The following NPSR1 variants were observed in gnomAD, a reference collection of about 807,000 sequenced individuals.
NPSR1 encodes the protein neuropeptide S receptor.
NPSR1 carries 48 observed loss-of-function variants against 46.9 expected under a neutral mutation model. The observed-to-expected ratio is 1.02, with a 90% confidence interval of 0.81 to 1.30. The LOEUF (loss-of-function observed/expected upper bound fraction) is 1.30. Ranked by LOEUF, NPSR1 falls within the 50% of genes most tolerant of loss-of-function variation. The pLI, the probability that NPSR1 is intolerant of heterozygous loss-of-function variation, is 0.00. For synonymous variants in NPSR1, 176 were observed against 168.1 expected, an observed-to-expected ratio of 1.05 and a Z score of -0.36; for missense variants, 450 against 449.5, an observed-to-expected ratio of 1.00 and a Z score of -0.01.
At chr7:34,793,429 T>C (rs950554319) in intron 3 of NPSR1, among the ~76,000 whole-genome samples, 2 of 151,938 alleles carry the variant, frequency 1.3e-5, no homozygotes, top group Non-Finnish European at 2.9e-5. Flanking sequence ...AAAATATATA[T>C]ACAAAAGAAG....
At chr7:34,680,889 A>C (rs1214967103) in intron 1 of NPSR1, among the ~76,000 whole-genome samples, 3 of 151,948 alleles carry the variant, frequency 2.0e-5, no homozygotes, top group Non-Finnish European at 4.4e-5. Flanking sequence ...TAGAAGAGAC[A>C]GAATAGAGTT....
chr7:34,803,756 GAA>G (rs77357385), intron 3 of NPSR1, among the ~76,000 whole-genome samples: 9 of 137,228 alleles, frequency 6.6e-5, no homozygotes, highest in South Asian at 2.3e-4. Flanking sequence ...AGCATGAGTA[GAA>G]AAAAAAAAAA....
intron 3 of NPSR1, among the ~76,000 whole-genome samples, chr7:34,786,808 G>C (rs971486749): frequency 2.0e-5 from 3 of 152,034 alleles, no homozygotes; most frequent in African/African-American, 7.2e-5. Flanking sequence ...CTTTTTTTCT[G>C]AGCAGTAGAT....
At chr7:34,721,351 A>G (rs759413761) in intron 2 of NPSR1, among the ~76,000 whole-genome samples, 1 of 152,196 alleles carries the variant, frequency 6.6e-6, no homozygotes, top group Non-Finnish European at 1.5e-5. Context: ...AATGGAAAAG[A>G]AGCAGAATCA....
intron 2 of NPSR1, among the ~76,000 whole-genome samples, chr7:34,769,366 T>G (rs1030748689): frequency 2.0e-5 from 3 of 152,172 alleles, no homozygotes; most frequent in Non-Finnish European, 4.4e-5. Flanking sequence ...AAATTGATCC[T>G]CACCACAGCA....
intron 2 of NPSR1, among the ~76,000 whole-genome samples, chr7:34,764,922 G>A (rs1786359326): frequency 6.6e-6 from 1 of 152,128 alleles, no homozygotes; most frequent in Admixed American, 6.6e-5. Flanking sequence ...CAAAAGAGAA[G>A]CCCTAAAACC....
chr7:34,821,964 G>A (rs1471004286), intron 4 of NPSR1, among the ~76,000 whole-genome samples: 2 of 152,142 alleles, frequency 1.3e-5, no homozygotes, highest in Non-Finnish European at 2.9e-5. Context: ...AAAAACAGGG[G>A]GAGACCTGCA....
chr7:34,698,198 G>T (rs1367510732), intron 2 of NPSR1, among the ~76,000 whole-genome samples: 2 of 152,112 alleles, frequency 1.3e-5, no homozygotes, highest in Non-Finnish European at 2.9e-5. Flanking sequence ...AGACAGGAGG[G>T]CTTCTAAAGC....
At chr7:34,721,986 T>C (rs1053584618) in intron 2 of NPSR1, among the ~76,000 whole-genome samples, 87 of 151,960 alleles carry the variant, frequency 5.7e-4, no homozygotes, top group Admixed American at 2.0e-3. Flanking sequence ...TATATATAAA[T>C]GTATAAATCC....
intron 2 of NPSR1, among the ~76,000 whole-genome samples, chr7:34,773,777 A>G (rs1786803422): frequency 6.6e-6 from 1 of 152,238 alleles, no homozygotes. Context: ...TCATGTGCCC[A>G]TCATGCCAGT....
Sources: gnomAD v4.1 joint callset for allele counts (sites outside exome capture counted in the v4.1 genomes callset) on GRCh38, gnomAD v4.1.1 for gene constraint, MANE v1.5 for transcripts, NCBI Gene and HGNC (gene_info 2026-07-23, HGNC 2026-07-21) for gene names.